DGKB: variants seen among roughly 807,000 people sequenced by gnomAD.
The protein encoded by DGKB is 90 kDa diacylglycerol kinase.
Under a neutral mutation model 114.3 loss-of-function variants are expected in DGKB, and 67 were observed. The ratio of observed to expected loss-of-function variants is 0.59; its 90% CI spans 0.48 to 0.72. The LOEUF (loss-of-function observed/expected upper bound fraction) is 0.72. Ranked by LOEUF, DGKB falls within the 30% of genes least tolerant of loss-of-function variation. The pLI, the probability that DGKB is intolerant of heterozygous loss-of-function variation, is 0.00. For synonymous variants in DGKB, 398 were observed against 323.1 expected, an observed-to-expected ratio of 1.23 and a Z score of -2.49; for missense variants, 907 against 975.2, an observed-to-expected ratio of 0.93 and a Z score of 0.93.
chr7:14,906,429 C>CT (rs1221428798), upstream of DGKB, among the ~76,000 whole-genome samples: 1 of 137,366 alleles, frequency 7.3e-6, no homozygotes, highest in Non-Finnish European at 1.6e-5. Flanking sequence ...AGAAATCTAT[C>CT]TTTTTTCTTT....
At chr7:14,347,618 T>C (rs1812701372) in intron 21 of DGKB, among the ~76,000 whole-genome samples, 1 of 151,810 alleles carries the variant, frequency 6.6e-6, no homozygotes, top group African/African-American at 2.4e-5. Flanking sequence ...GGGTCAAGAA[T>C]TGGGGGAAAT....
chr7:14,467,306 A>T (rs1454123862), intron 21 of DGKB, among the ~76,000 whole-genome samples: 1 of 150,760 alleles, frequency 6.6e-6, no homozygotes, highest in Non-Finnish European at 1.5e-5. Context: ...TTAATTCCAC[A>T]AAAGTATATG....
chr7:14,537,167 C>A (rs1206182151), intron 20 of DGKB, among the ~76,000 whole-genome samples: 2 of 152,024 alleles, frequency 1.3e-5, no homozygotes, highest in East Asian at 3.9e-4. Flanking sequence ...AGAAATAAAA[C>A]AAGACACAAA....
Position 14,249,065 on chromosome 7 carries a change from CTTTTTCACATGT to C in DGKB, c.2123-70926_2123-70915del, listed in dbSNP as rs372304492. On this transcript the variant is annotated intron_variant, in intron 23 of 25. Coordinates refer to ENST00000402815, the MANE Select transcript of DGKB (RefSeq NM_001350709.2). The stretch of plus-strand genomic sequence containing the variant: ...TCTTTATTACAAAAATATGTTAATT[CTTTTTCACATGT>C]TTTTTCAGCATCTATTTAGGGGATC... Among the ~76,000 whole-genome samples the C allele has an allele frequency of 4.2e-3, 645 of 152,092 alleles. 6 individuals are homozygous for C. The highest frequency in any genetic ancestry group is 0.014 in the African/African-American group (597 of 41,534).
intron 23 of DGKB, among the ~76,000 whole-genome samples, chr7:14,316,847 A>G (rs1302349939): frequency 6.9e-6 from 1 of 145,756 alleles, no homozygotes; most frequent in Non-Finnish European, 1.5e-5. Context: ...AGAATTTTAG[A>G]CCAATATCCT....
At chr7:14,227,778 G>A (rs1321308345) in intron 23 of DGKB, among the ~76,000 whole-genome samples, 3 of 151,900 alleles carry the variant, frequency 2.0e-5, no homozygotes, top group African/African-American at 7.2e-5. Flanking sequence ...AAAACAAAAA[G>A]CAGCAGGCAA....
intron 9 of DGKB, among the ~76,000 whole-genome samples, chr7:14,691,150 T>C (rs1359728379): frequency 6.6e-6 from 1 of 152,196 alleles, no homozygotes; most frequent in Non-Finnish European, 1.5e-5. Flanking sequence ...AAAAATAAAT[T>C]GCATTGAAAT....
intron 25 of DGKB, among the ~76,000 whole-genome samples, chr7:14,153,886 T>A (rs1782586941): frequency 6.6e-6 from 1 of 152,072 alleles, no homozygotes; most frequent in African/African-American, 2.4e-5. Context: ...ATCTGAGAAC[T>A]CTATACTTAG....
chr7:14,729,394 T>A (rs1830585197), intron 5 of DGKB, among the ~76,000 whole-genome samples: 1 of 152,136 alleles, frequency 6.6e-6, no homozygotes, highest in African/African-American at 2.4e-5. Context: ...AGTGCTGGGA[T>A]TACAGGCACG....
At chr7:14,324,838 AT>A (rs1482553737) in intron 23 of DGKB, among the ~76,000 whole-genome samples, 1 of 33,920 alleles carries the variant, frequency 2.9e-5, no homozygotes, top group Non-Finnish European at 5.0e-5. Context: ...CAATGAGACA[AT>A]GGACGCTTCT....
At chr7:14,729,499 C>A (rs1830605269) in intron 5 of DGKB, among the ~76,000 whole-genome samples, 1 of 152,128 alleles carries the variant, frequency 6.6e-6, no homozygotes, top group African/African-American at 2.4e-5. Context: ...TACTGAATGT[C>A]TTACAGTTCA....
intron 1 of DGKB, among the ~76,000 whole-genome samples, chr7:14,852,576 GT>G (rs1849561048): frequency 1.4e-5 from 2 of 146,160 alleles, no homozygotes; most frequent in Admixed American, 6.9e-5. Flanking sequence ...TGTAGGACAT[GT>G]TTTGTTATTT....
At chr7:14,737,569 A>C (rs751997324) in intron 4 of DGKB, among the ~76,000 whole-genome samples, 12 of 152,092 alleles carry the variant, frequency 7.9e-5, no homozygotes, top group Non-Finnish European at 1.8e-4. Context: ...TCATGTGCCA[A>C]TTAAGTTTAC....
chr7:14,731,629 G>A (rs6947687), intron 5 of DGKB, among the ~76,000 whole-genome samples: 6,515 of 152,118 alleles, frequency 0.043, 207 homozygotes, highest in Admixed American at 0.1. Context: ...CAAGTTGTAG[G>A]GACTGATATG....
chr7:14,170,197 GAAA>G (rs1780776263), intron 25 of DGKB, among the ~76,000 whole-genome samples: 1 of 138,122 alleles, frequency 7.2e-6, no homozygotes, highest in Admixed American at 7.3e-5. Flanking sequence ...AAGAAAGAAA[GAAA>G]GAAATACATT....
chr7:14,901,324 G>A (rs1279071878), intron 1 of DGKB, among the ~76,000 whole-genome samples: 1 of 152,174 alleles, frequency 6.6e-6, no homozygotes, highest in Admixed American at 6.5e-5. Context: ...TATAGGATAA[G>A]AGTAGTCCTT....
chr7:14,789,769 T>C (rs936764547), intron 2 of DGKB, among the ~76,000 whole-genome samples: 1 of 152,178 alleles, frequency 6.6e-6, no homozygotes, highest in African/African-American at 2.4e-5. Flanking sequence ...GGCTTTTATA[T>C]GAACATATTT....
chr7:14,415,587 A>G, intron 21 of DGKB, among the ~76,000 whole-genome samples: 1 of 151,948 alleles, frequency 6.6e-6, no homozygotes, highest in Admixed American at 6.6e-5. Flanking sequence ...ATGTCCCTAC[A>G]AAGGACATGA....
intron 20 of DGKB, among the ~76,000 whole-genome samples, chr7:14,545,658 G>T (rs1359797379): frequency 3.3e-5 from 5 of 152,182 alleles, no homozygotes; most frequent in South Asian, 2.1e-4. Flanking sequence ...CACAATAGCT[G>T]CTCAGCAGGA....
Sources: gnomAD v4.1 joint callset for allele counts (sites outside exome capture counted in the v4.1 genomes callset) on GRCh38, gnomAD v4.1.1 for gene constraint, MANE v1.5 for transcripts, NCBI Gene and HGNC (gene_info 2026-07-23, HGNC 2026-07-21) for gene names.